GLS: variants seen among roughly 807,000 people sequenced by gnomAD.
The protein encoded by GLS is glutaminase, also known as glutaminase kidney isoform, mitochondrial.
A neutral mutation model predicts 86.7 loss-of-function variants in GLS; 36 were observed. That is an observed-to-expected ratio of 0.42 (90% CI 0.32 to 0.55). The LOEUF (loss-of-function observed/expected upper bound fraction) is 0.55. GLS is among the 20% of genes least tolerant of loss of function. GLS has a pLI of 0.17. For missense variants in GLS, 528 were observed against 833.4 expected (o/e 0.63, Z 4.51); for synonymous variants, 317 against 305.9 (o/e 1.04, Z -0.38).
chr2:190,912,391 G>A (rs1689394499), intron 7 of GLS, among the ~76,000 whole-genome samples: 2 of 147,362 alleles, frequency 1.4e-5, no homozygotes, highest in Non-Finnish European at 3.0e-5. Context: ...ATCTTGGAGA[G>A]CAAAGCCTGA....
intron 12 of GLS, among the ~76,000 whole-genome samples, chr2:190,928,594 C>A (rs1294808998): frequency 6.6e-6 from 1 of 151,962 alleles, no homozygotes; most frequent in Non-Finnish European, 1.5e-5. Flanking sequence ...CTCAGCCTCC[C>A]AAATTGCTGG....
rs1025021362 is a variant in GLS at position 190,928,295 on chromosome 2, T to C, written c.1425+813T>C. On this transcript the variant is annotated intron_variant, in intron 12 of 17. Coordinates refer to ENST00000320717, the MANE Select transcript of GLS (RefSeq NM_014905.5). ...TTAAATTGAATATCAAAATATTTAG[T>C]TAGTGTTTAGATTTCCTGGATTATC... 3.3e-5 allele frequency among the ~76,000 whole-genome samples: 5 copies of C among 151,928 alleles called. No individual in the cohort carries two copies. In the East Asian group the frequency reaches 7.7e-4, roughly 23 times the overall value.
At chr2:190,918,870 A>G (rs1689633968) in intron 7 of GLS, among the ~76,000 whole-genome samples, 1 of 152,104 alleles carries the variant, frequency 6.6e-6, no homozygotes, top group South Asian at 2.1e-4. Context: ...AGGGAGAGAG[A>G]TGGGAATGAA....
chr2:190,950,563 T>C lies in GLS; in HGVS notation c.1651-3002T>C, dbSNP rs536026340. ...TGAATTTGTCTGAATTAGAAAAAGC[T>C]AATTCTGTCTCTGGCCAGAAGCAGA... is the stretch of plus-strand genomic sequence containing the variant. On this transcript the variant is annotated intron_variant, in intron 14 of 17. Coordinates refer to ENST00000320717, the MANE Select transcript of GLS (RefSeq NM_014905.5). Among the ~76,000 whole-genome samples the C allele has an allele frequency of 1.2e-4, 19 of 152,348 alleles. No individual in the cohort carries two copies. The South Asian group carries it at 3.5e-3, about 28-fold the overall frequency.
chr2:190,925,971 G>T (rs751899349), intron 11 of GLS, among the ~76,000 whole-genome samples: 1 of 151,232 alleles, frequency 6.6e-6, no homozygotes, highest in Non-Finnish European at 1.5e-5. Flanking sequence ...AATTTTTTCC[G>T]TAAGTTTCTT....
intron 17 of GLS, among the ~76,000 whole-genome samples, chr2:190,961,695 T>G (rs1237757277): frequency 6.6e-6 from 1 of 151,630 alleles, no homozygotes. Context: ...AGCTGTTTTT[T>G]TTTTTTTTTT....
rs770969933 is a variant in GLS at position 190,954,864 on chromosome 2, C to T, written c.1853+46C>T. 2.4e-6 allele frequency: 3 copies of T among 1,224,980 alleles called. No homozygotes were observed. In the South Asian group the frequency reaches 4.1e-5, roughly 17 times the overall value. The allele number at this position is 1,224,980 out of a possible 1,614,324, so 75.9% of individuals were successfully genotyped here. On this transcript the variant is annotated intron_variant, in intron 17 of 17. Coordinates refer to ENST00000320717, the MANE Select transcript of GLS (RefSeq NM_014905.5). This position sits in a 1 kb window ranked among gnomAD's most constrained non-coding sequence, Gnocchi z 4.0. ...CTAAATATGTCAGTATTTTATTATG[C>T]AGGACTGTAATATTCAAGTGATGAT... is the stretch of plus-strand genomic sequence containing the variant.
chr2:190,907,160 G>C (rs1429324648), intron 6 of GLS, among the ~76,000 whole-genome samples: 1 of 151,754 alleles, frequency 6.6e-6, no homozygotes, highest in Non-Finnish European at 1.5e-5. Context: ...TCCTGACCTC[G>C]TGATCTGCCC....
intron 14 of GLS, among the ~76,000 whole-genome samples, chr2:190,937,175 A>C (rs550693486): frequency 1.7e-4 from 26 of 151,480 alleles, no homozygotes; most frequent in African/African-American, 6.3e-4. Context: ...ACATACACTC[A>C]AGTATATCCA....
chr2:190,959,508 CAT>C (rs1351879981), intron 17 of GLS, among the ~76,000 whole-genome samples: 1 of 152,186 alleles, frequency 6.6e-6, no homozygotes, highest in African/African-American at 2.4e-5. Context: ...GCAGTTTCTT[CAT>C]AGTGTCAATG....
chr2:190,898,644 T>C (rs965193197), intron 3 of GLS, among the ~76,000 whole-genome samples: 7 of 152,220 alleles, frequency 4.6e-5, no homozygotes, highest in Non-Finnish European at 1.5e-5. Context: ...AAATCCTTTT[T>C]TTTTGAGATG....
In GLS at chr2:190,913,611, AT is replaced by A. The variant is rs1186403516; in HGVS notation, c.1038+3293del. ...ATATGATGTAGCAGTATCCTTACGT[AT>A]TTGTTTTCTTTTCACTGGTAAAAAT... On this transcript the variant is annotated intron_variant, in intron 7 of 17. Transcript: ENST00000320717. The surrounding 1 kb of genome is among the most constrained non-coding windows in gnomAD (Gnocchi z 6.1). 8 of 970,092 alleles carry A rather than the reference AT, an allele frequency of 8.2e-6. No homozygotes were observed. The highest frequency in any genetic ancestry group is 9.8e-6 in the Non-Finnish European group (8 of 816,078). 60.1% of individuals were successfully genotyped at this position (970,092 alleles called of 1,614,324 possible).
intron 14 of GLS, among the ~76,000 whole-genome samples, chr2:190,942,439 C>T (rs1313696633): frequency 6.6e-6 from 1 of 152,042 alleles, no homozygotes; most frequent in African/African-American, 2.4e-5. Flanking sequence ...TACTGCTCTG[C>T]GGAGAATGGA....
intron 11 of GLS, chr2:190,927,068 C>G: frequency 2.5e-6 from 1 of 399,488 alleles, no homozygotes; most frequent in Non-Finnish European, 4.5e-6. Context: ...GCTGGCACTT[C>G]CTAGTCTAGT....
At chr2:190,911,024 A>AT (rs1156600801) in intron 7 of GLS, among the ~76,000 whole-genome samples, 1 of 150,304 alleles carries the variant, frequency 6.7e-6, no homozygotes, top group Non-Finnish European at 1.5e-5. Flanking sequence ...TGTGTGATAG[A>AT]TTTTTAAATC....
chr2:190,950,181 A>G (rs1314054816), intron 14 of GLS, among the ~76,000 whole-genome samples: 1 of 152,116 alleles, frequency 6.6e-6, no homozygotes, highest in Non-Finnish European at 1.5e-5. Flanking sequence ...TGAGTGCCTG[A>G]GACCAGCCAG....
intron 3 of GLS, 32 bp from the exon 4 acceptor site, chr2:190,900,532 C>T (rs1688903767): frequency 3.7e-6 from 5 of 1,351,750 alleles, no homozygotes; most frequent in South Asian, 1.4e-5. Context: ...GAAATGTACC[C>T]AGTTTATTAA....
At chr2:190,889,923 G>C (rs1409195181) in intron 1 of GLS, among the ~76,000 whole-genome samples, 1 of 152,142 alleles carries the variant, frequency 6.6e-6, no homozygotes, top group African/African-American at 2.4e-5. Flanking sequence ...TATCAAGGCA[G>C]ACCAGTTTAG....
chr2:190,961,806 C>T (rs1369428181), intron 17 of GLS, among the ~76,000 whole-genome samples: 1 of 148,344 alleles, frequency 6.7e-6, no homozygotes, highest in Admixed American at 6.8e-5. Context: ...GTTTTAAAAA[C>T]CTTTCGTTTC....
Sources: allele counts gnomAD v4.1 joint callset (sites outside exome capture counted in the v4.1 genomes callset), GRCh38; gene constraint gnomAD v4.1.1; non-coding constraint Gnocchi (gnomAD v3.1); transcripts MANE v1.5; gene names NCBI Gene and HGNC (gene_info 2026-07-23, HGNC 2026-07-21).